Variants in NDRG3 observed in about 807,000 individuals in gnomAD.
NDRG3 encodes the protein NDRG family member 3.
NDRG3 carries 23 observed loss-of-function variants against 57.2 expected under a neutral mutation model. The observed-to-expected ratio is 0.40, with a 90% CI of 0.29 to 0.57. The LOEUF is 0.57. Ranked by LOEUF, NDRG3 falls within the 20% of genes least tolerant of loss-of-function variation. The pLI is 0.42. For missense variants in NDRG3, 384 were observed against 457.3 expected (o/e 0.84, Z 1.46); for synonymous variants, 132 against 162.6 (o/e 0.81, Z 1.43).
rs768254966 is a variant in NDRG3 at position 36,745,894 on chromosome 20, GC to G, written c.-49+150del. ...GCGGGCGGGCGGGGCGGGGCAGAGG[GC>G]CCCGGGGGCACGGGGGAGGCAAGCA... On this transcript the variant is annotated intron_variant, in intron 1 of 15. Transcript: ENST00000349004. 4.6e-5 allele frequency among the ~76,000 whole-genome samples: 7 copies of G among 151,508 alleles called. No individual in the cohort carries two copies. In the East Asian group the frequency reaches 1.4e-3, roughly 29 times the overall value.
intron 2 of NDRG3, among the ~76,000 whole-genome samples, chr20:36,710,185 G>A (rs779350870): frequency 6.6e-5 from 10 of 152,010 alleles, no homozygotes; most frequent in Non-Finnish European, 1.0e-4. Context: ...TTAGCTGAGC[G>A]TGGTAGTGCA....
intron 9 of NDRG3, chr20:36,668,754 TTATA>T (rs1190652524): frequency 6.6e-6 from 1 of 151,366 alleles, no homozygotes; most frequent in African/African-American, 2.4e-5. Flanking sequence ...CATATATTTT[TTATA>T]TATATGTACA....
chr20:36,656,496 C>G lies in NDRG3; in HGVS notation c.894+1G>C. ...GGGTGTTTAAAAAAAATTCTCCTTA[C>G]CTGAACTACCTGGGGCAGTCCCCCA... is the stretch of plus-strand genomic sequence containing the variant. On this transcript the variant is annotated splice_donor_variant, in intron 14 of 15. Coordinates refer to ENST00000349004, the MANE Select transcript of NDRG3 (RefSeq NM_032013.4). LOFTEE classifies it high-confidence loss of function. The G allele has an allele frequency of 6.2e-7, 1 of 1,614,140 alleles. No individual in the cohort carries two copies.
intron 1 of NDRG3, among the ~76,000 whole-genome samples, chr20:36,724,998 A>G (rs1984834589): frequency 6.6e-6 from 1 of 150,770 alleles, no homozygotes; most frequent in African/African-American, 2.4e-5. Context: ...TGCTCACTTT[A>G]GAAAATATGA....
In NDRG3 at chr20:36,688,738, C is replaced by T; in HGVS notation, c.140G>A (p.Arg47Lys). 6.2e-7 allele frequency: 1 copy of T among 1,614,040 alleles called. No homozygotes were observed. Among genetic ancestry groups the T allele is most frequent in the South Asian group, 1.1e-5 (1 of 91,084 alleles). ...TGGTCTGTTTCCTTTGGGTAAGCCT[C>T]TTATAGTGACGTGGACCACACCATG... is the stretch of plus-strand genomic sequence containing the variant. ...TTHGVVHVTIRGLPKGNRPVI... is the reference protein window; with the variant it reads ...TTHGVVHVTIKGLPKGNRPVI... Residue 47 changes from arginine (R) to lysine (K), a missense_variant, in exon 4 of 16, where the codon AGA becomes AAA. By Grantham distance (26) the Arg-to-Lys change is conservative (BLOSUM62 2). Coordinates refer to ENST00000349004, the MANE Select transcript of NDRG3 (RefSeq NM_032013.4).
intron 1 of NDRG3, among the ~76,000 whole-genome samples, chr20:36,728,607 A>T (rs1385267536): frequency 6.6e-6 from 1 of 152,186 alleles, no homozygotes; most frequent in African/African-American, 2.4e-5. Flanking sequence ...AGCATTTCAG[A>T]TTTCACATTT....
At chr20:36,712,559 CTATATATATATATATA>C (rs1201319236) in intron 2 of NDRG3, among the ~76,000 whole-genome samples, 22 of 20,738 alleles carry the variant, frequency 1.1e-3, no homozygotes, top group African/African-American at 2.3e-3. Context: ...CCATGCCCGG[CTATATATATATATATA>C]TATATATATA....
At chr20:36,670,253 G>A (rs1031609925) in intron 9 of NDRG3, among the ~76,000 whole-genome samples, 5 of 152,144 alleles carry the variant, frequency 3.3e-5, no homozygotes, top group Non-Finnish European at 7.4e-5. Context: ...CTTAGGATGT[G>A]TGCATTACAC....
chr20:36,717,084 C>T (rs1164234029), intron 2 of NDRG3, among the ~76,000 whole-genome samples: 6 of 152,180 alleles, frequency 3.9e-5, no homozygotes, highest in Non-Finnish European at 7.3e-5. Flanking sequence ...ATTTCATATG[C>T]CCATGCAATT....
intron 7 of NDRG3, among the ~76,000 whole-genome samples, chr20:36,681,141 C>G (rs1981248955): frequency 6.6e-6 from 1 of 152,180 alleles, no homozygotes; most frequent in Non-Finnish European, 1.5e-5. Flanking sequence ...TCTTGTCTTG[C>G]AAAGATCTAT....
In NDRG3 at chr20:36,723,659, A is replaced by AATAT. The variant is rs74173994; in HGVS notation, c.-48-1877_-48-1876insATAT. On this transcript the variant is annotated intron_variant, in intron 1 of 15. Transcript: ENST00000349004. ...GAAAGCCTTCAAAAGATATTAGTCT[A>AATAT]GTGTGTGTGTGTGTGTGTGTGTGTG... Among the ~76,000 whole-genome samples the AATAT allele has an allele frequency of 1.1e-3, 151 of 132,940 alleles. 1 individual carries two copies. The highest frequency in any genetic ancestry group is 4.1e-3 in the African/African-American group (146 of 35,322). 87.2% of individuals were successfully genotyped at this position (132,940 alleles called of 152,430 possible).
chr20:36,718,629 T>C (rs1389019143), intron 2 of NDRG3, among the ~76,000 whole-genome samples: 1 of 152,170 alleles, frequency 6.6e-6, no homozygotes, highest in Non-Finnish European at 1.5e-5. Context: ...AGCTGCCTTC[T>C]TGCTGTGTCC....
chr20:36,664,948 C>G, intron 12 of NDRG3, 98 bp downstream of exon 12: 1 of 1,248,816 alleles, frequency 8.0e-7, no homozygotes, highest in Non-Finnish European at 1.2e-6. Context: ...CTCAGCCTCT[C>G]AAAGTGTTGG....
intron 2 of NDRG3, among the ~76,000 whole-genome samples, chr20:36,712,587 A>ATATATATAT (rs57260715): frequency 3.4e-4 from 2 of 5,910 alleles, no homozygotes; most frequent in Non-Finnish European, 6.2e-4. Context: ...ATATATATAT[A>ATATATATAT]TTTTTTTTTT....
chr20:36,721,355 C>G (rs541072098), intron 2 of NDRG3, among the ~76,000 whole-genome samples: 1 of 151,434 alleles, frequency 6.6e-6, no homozygotes, highest in South Asian at 2.1e-4. Context: ...ATGATGAAAC[C>G]CTGTCTCTAC....
chr20:36,705,522 T>C (rs1163658559), intron 3 of NDRG3, among the ~76,000 whole-genome samples: 1 of 152,122 alleles, frequency 6.6e-6, no homozygotes, highest in African/African-American at 2.4e-5. Flanking sequence ...ATAAAACGCA[T>C]ATTTGAAAAT....
chr20:36,697,939 A>G (rs1473284276), intron 3 of NDRG3, among the ~76,000 whole-genome samples: 1 of 151,198 alleles, frequency 6.6e-6, no homozygotes, highest in Non-Finnish European at 1.5e-5. Flanking sequence ...TAGGTTACAT[A>G]ATTTGCGAGT....
intron 1 of NDRG3, among the ~76,000 whole-genome samples, chr20:36,744,671 C>T (rs1986096121): frequency 6.6e-6 from 1 of 152,162 alleles, no homozygotes; most frequent in Non-Finnish European, 1.5e-5. Flanking sequence ...GAGAAACATT[C>T]ACATATTTTT....
chr20:36,688,886 G>T, intron 3 of NDRG3, 102 bp from the exon 4 acceptor site: 1 of 817,708 alleles, frequency 1.2e-6, no homozygotes, highest in Non-Finnish European at 2.1e-6. Flanking sequence ...ACGAGCTGGG[G>T]CAGGACACAT....
Sources: gnomAD v4.1 joint callset for allele counts (sites outside exome capture counted in the v4.1 genomes callset) on GRCh38, gnomAD v4.1.1 for gene constraint, MANE v1.5 for transcripts, NCBI Gene and HGNC (gene_info 2026-07-23, HGNC 2026-07-21) for gene names.